TMPRSS15: variants seen among roughly 807,000 people sequenced by gnomAD.
The protein encoded by TMPRSS15 is enteropeptidase.
In TMPRSS15, 128 loss-of-function variants were observed where a neutral mutation model predicts 125.3. That is an observed-to-expected ratio of 1.02 (90% CI 0.89 to 1.18). The LOEUF is 1.18. TMPRSS15 is among the 50% of genes most tolerant of loss of function. The pLI is 0.00. For missense variants in TMPRSS15, 1,283 were observed against 1,212.7 expected, an observed-to-expected ratio of 1.06 and a Z score of -0.86; for synonymous variants, 446 against 423.2, an observed-to-expected ratio of 1.05 and a Z score of -0.66.
chr21:18,329,938 T>C (rs1414516100), intron 14 of TMPRSS15, among the ~76,000 whole-genome samples: 1 of 152,124 alleles, frequency 6.6e-6, no homozygotes, highest in Non-Finnish European at 1.5e-5. Flanking sequence ...ATTTCTGTCT[T>C]TATTTTCTGC....
intron 5 of TMPRSS15, among the ~76,000 whole-genome samples, chr21:18,373,347 A>G (rs1426260311): frequency 1.3e-5 from 2 of 152,164 alleles, no homozygotes; most frequent in African/African-American, 4.8e-5. Context: ...ATATAAACCA[A>G]TGGGAAATTC....
At chr21:18,313,843 G>C (rs1171257904) in intron 17 of TMPRSS15, among the ~76,000 whole-genome samples, 2 of 146,494 alleles carry the variant, frequency 1.4e-5, no homozygotes, top group Admixed American at 6.9e-5. Flanking sequence ...CTTAGTTTCT[G>C]AAAGAAGGAA....
At chr21:18,464,172 CAAAAAAAAAAA>C (rs1163284712) in intron 1 of TMPRSS15, among the ~76,000 whole-genome samples, 1 of 37,180 alleles carries the variant, frequency 2.7e-5, no homozygotes, top group South Asian at 1.3e-3. Context: ...GACTCCGTCT[CAAAAAAAAAAA>C]AAAAAAAAAA....
chr21:18,281,178 G>A lies in TMPRSS15; in HGVS notation c.2530C>T (p.His844Tyr). The change falls in exon 22 of 25, where the codon CAT becomes TAT. Residue 844 changes from histidine to tyrosine, a missense_variant. By Grantham distance (83) the His-to-Tyr change is moderately conservative. Coordinates refer to ENST00000284885, the MANE Select transcript of TMPRSS15 (RefSeq NM_002772.3). ...GGAGAGGTCAGATTTGATTTCATAT[G>A]CAGGCCTAGGATTGCTGTCCACTTG... ...PSKWTAILGL[H>Y]MKSNLTSPQT... 1 of 1,614,040 alleles carries A rather than the reference G, an allele frequency of 6.2e-7. No homozygotes were observed. Among genetic ancestry groups the A allele is most frequent in the East Asian group, 2.2e-5 (1 of 44,854 alleles).
rs397976342 is a variant in TMPRSS15, at chr21:18,333,538, C to CT, written c.1565-1366dup. ...TTTAATTCTGCAATTCTTGATTTTC[C>CT]TTTTTTTTTCATTTTATTTATTTAT... On this transcript the variant is annotated intron_variant, in intron 13 of 24. Transcript: ENST00000284885. Among the ~76,000 whole-genome samples the CT allele has an allele frequency of 8.2e-4, 124 of 150,554 alleles. 1 individual carries two copies. The highest frequency in any genetic ancestry group is 2.7e-3 in the African/African-American group (112 of 41,016).
chr21:18,430,218 C>T (rs910864571), intron 1 of TMPRSS15, among the ~76,000 whole-genome samples: 2 of 152,106 alleles, frequency 1.3e-5, no homozygotes, highest in African/African-American at 4.8e-5. Context: ...AATCATATTT[C>T]ACAATTAGTG....
chr21:18,281,925 G>A (rs2074703569), intron 21 of TMPRSS15, among the ~76,000 whole-genome samples: 3 of 151,630 alleles, frequency 2.0e-5, no homozygotes, highest in Admixed American at 1.3e-4. Context: ...GTGAAACCCC[G>A]TCTCTACTAA....
At chr21:18,297,651 G>T in intron 19 of TMPRSS15, 83 bp downstream of exon 19, 1 of 950,782 alleles carries the variant, frequency 1.1e-6, no homozygotes, top group Non-Finnish European at 1.7e-6. Context: ...GTATGTAATA[G>T]CATTCAAATC....
intron 24 of TMPRSS15, among the ~76,000 whole-genome samples, chr21:18,272,760 C>T (rs71319679): frequency 0.025 from 3,832 of 151,920 alleles, 58 homozygotes; most frequent in Middle Eastern, 0.048. Context: ...TAAATACATA[C>T]GTAAATAAAT....
At chr21:18,421,444 T>C (rs898354601) in intron 1 of TMPRSS15, among the ~76,000 whole-genome samples, 4 of 152,212 alleles carry the variant, frequency 2.6e-5, no homozygotes, top group African/African-American at 9.6e-5. Flanking sequence ...ATAGGGATAA[T>C]AGTTACCTAA....
intron 13 of TMPRSS15, among the ~76,000 whole-genome samples, chr21:18,340,889 T>C (rs1276235052): frequency 1.3e-5 from 2 of 152,188 alleles, no homozygotes; most frequent in Non-Finnish European, 2.9e-5. Flanking sequence ...ATCATTAATA[T>C]GCTCAATAAC....
At chr21:18,343,134 A>T (rs943996006) in intron 12 of TMPRSS15, among the ~76,000 whole-genome samples, 1 of 152,158 alleles carries the variant, frequency 6.6e-6, no homozygotes, top group Non-Finnish European at 1.5e-5. Flanking sequence ...AGAAAAGGGC[A>T]GGGTTGACCT....
At chr21:18,469,220 T>G (rs1012044387) in intron 1 of TMPRSS15, among the ~76,000 whole-genome samples, 1 of 152,148 alleles carries the variant, frequency 6.6e-6, no homozygotes, top group African/African-American at 2.4e-5. Flanking sequence ...AATAAATGTT[T>G]GTAATAAAAG....
chr21:18,384,778 G>C (rs1226826221), intron 3 of TMPRSS15, among the ~76,000 whole-genome samples: 6 of 152,138 alleles, frequency 3.9e-5, no homozygotes, highest in Non-Finnish European at 7.4e-5. Context: ...TGCTGGTTTT[G>C]AATTATGGGA....
At chr21:18,358,430 A>C (rs934069255) in intron 8 of TMPRSS15, among the ~76,000 whole-genome samples, 1 of 151,924 alleles carries the variant, frequency 6.6e-6, no homozygotes, top group Non-Finnish European at 1.5e-5. Context: ...TATATGAAGT[A>C]ACCTATTTGT....
intron 6 of TMPRSS15, among the ~76,000 whole-genome samples, chr21:18,370,839 A>C (rs191985776): frequency 1.3e-5 from 2 of 152,244 alleles, no homozygotes. Flanking sequence ...AGCTTTTAAA[A>C]CTTTGGTCGT....
chr21:18,350,390 TA>T (rs1431023775), intron 10 of TMPRSS15, among the ~76,000 whole-genome samples: 10 of 152,158 alleles, frequency 6.6e-5, no homozygotes, highest in African/African-American at 2.4e-4. Context: ...TGGCTTCAGT[TA>T]AAAACTATAT....
intron 16 of TMPRSS15, among the ~76,000 whole-genome samples, chr21:18,324,085 A>G (rs1215638667): frequency 6.6e-6 from 1 of 152,094 alleles, no homozygotes; most frequent in Non-Finnish European, 1.5e-5. Context: ...ATTCTTGCTC[A>G]TTAATTTTTT....
chr21:18,307,240 C>T (rs902965455), intron 18 of TMPRSS15, among the ~76,000 whole-genome samples: 4 of 152,150 alleles, frequency 2.6e-5, no homozygotes, highest in African/African-American at 7.2e-5. Flanking sequence ...AACTCATTTA[C>T]GAAGAAAGCA....
Sources: gnomAD v4.1 joint callset for allele counts (sites outside exome capture counted in the v4.1 genomes callset) on GRCh38, gnomAD v4.1.1 for gene constraint, MANE v1.5 for transcripts, NCBI Gene and HGNC (gene_info 2026-07-23, HGNC 2026-07-21) for gene names.